IL7: variants seen among roughly 807,000 people sequenced by gnomAD.
IL7 encodes interleukin 7.
IL7 carries 3 observed loss-of-function variants against 21.6 expected under a neutral mutation model. The observed-to-expected ratio is 0.14, with a 90% CI of 0.06 to 0.36. The LOEUF is 0.36. Ranked by LOEUF, IL7 falls within the 10% of genes least tolerant of loss-of-function variation. IL7 has a pLI of 1.00. For synonymous variants in IL7, 62 were observed against 68.1 expected (o/e 0.91, Z 0.44); for missense variants, 175 against 200.2 (o/e 0.87, Z 0.76).
chr8:78,681,018 AAC>A (rs1809759845), intron 4 of IL7, among the ~76,000 whole-genome samples: 1 of 152,088 alleles, frequency 6.6e-6, no homozygotes, highest in South Asian at 2.1e-4. Flanking sequence ...GCCCTTAGAA[AAC>A]ATTAGTGAAA....
intron 2 of IL7, among the ~76,000 whole-genome samples, chr8:78,756,301 T>C (rs569396250): frequency 6.6e-6 from 1 of 151,990 alleles, no homozygotes; most frequent in Admixed American, 6.6e-5. Context: ...TATCTGGTAT[T>C]GCTATCAGGG....
At chr8:78,691,288 C>T (rs891618891) in intron 3 of IL7, among the ~76,000 whole-genome samples, 1 of 152,064 alleles carries the variant, frequency 6.6e-6, no homozygotes, top group Non-Finnish European at 1.5e-5. Flanking sequence ...TTGAAGTTCT[C>T]TTATTGTTTG....
chr8:78,703,571 AGTCT>A (rs1242398393), intron 3 of IL7, among the ~76,000 whole-genome samples: 3 of 150,096 alleles, frequency 2.0e-5, no homozygotes, highest in Non-Finnish European at 4.4e-5. Context: ...GTTGGTTTAA[AGTCT>A]GTTTTATCAG....
At chr8:78,757,619 A>G (rs747754550) in intron 2 of IL7, among the ~76,000 whole-genome samples, 9 of 152,034 alleles carry the variant, frequency 5.9e-5, no homozygotes, top group Non-Finnish European at 1.3e-4. Flanking sequence ...TAATGAATTG[A>G]TCCCTTCATC....
intron 4 of IL7, among the ~76,000 whole-genome samples, chr8:78,681,901 C>T (rs1258784781): frequency 4.0e-5 from 5 of 126,466 alleles, no homozygotes; most frequent in Admixed American, 8.1e-5. Flanking sequence ...CTTTTTCTTT[C>T]TTTTTTTTTT....
chr8:78,780,645 A>T (rs112290796), intron 2 of IL7, among the ~76,000 whole-genome samples: 9,760 of 152,154 alleles, frequency 0.064, 341 homozygotes, highest in Middle Eastern at 0.092. Context: ...AGTGTTTTAC[A>T]TCCAATTATG....
chr8:78,774,568 A>C (rs1305608401), intron 2 of IL7, among the ~76,000 whole-genome samples: 1 of 152,064 alleles, frequency 6.6e-6, no homozygotes, highest in Admixed American at 6.6e-5. Context: ...AGCCCAAGTA[A>C]AGCAATTCTC....
At chr8:78,700,905 TA>T (rs1347639038) in intron 3 of IL7, among the ~76,000 whole-genome samples, 2 of 152,224 alleles carry the variant, frequency 1.3e-5, no homozygotes, top group Admixed American at 1.3e-4. Flanking sequence ...CCCTGTAGTA[TA>T]GCTGGAAGTC....
At chr8:78,784,854 T>A (rs753120211) in intron 2 of IL7, among the ~76,000 whole-genome samples, 3 of 152,094 alleles carry the variant, frequency 2.0e-5, no homozygotes, top group Admixed American at 6.6e-5. Flanking sequence ...GGATTTTATA[T>A]CCAGTAGCTC....
intron 2 of IL7, among the ~76,000 whole-genome samples, chr8:78,768,638 T>A (rs947308046): frequency 1.3e-5 from 2 of 151,774 alleles, no homozygotes; most frequent in Non-Finnish European, 2.9e-5. Context: ...TTCTTGTAAA[T>A]TTGTTTGAGT....
intron 2 of IL7, chr8:78,747,117 G>T (rs1284968716): frequency 1.3e-5 from 6 of 455,330 alleles, no homozygotes; most frequent in African/African-American, 1.0e-4. Flanking sequence ...GAAAGTTTTG[G>T]CATAGAATAT....
chr8:78,715,242 T>C (rs374049698), downstream of IL7: 66 of 1,613,678 alleles, frequency 4.1e-5, no homozygotes, highest in African/African-American at 7.6e-4. Flanking sequence ...AACCCCGAAA[T>C]TCCACACCAC....
At chr8:78,692,728 G>GT (rs546549038) in intron 3 of IL7, among the ~76,000 whole-genome samples, 14 of 151,464 alleles carry the variant, frequency 9.2e-5, no homozygotes, top group South Asian at 4.2e-4. Context: ...CTTCTAATTT[G>GT]TTTTTTTTAT....
intron 4 of IL7, among the ~76,000 whole-genome samples, chr8:78,737,031 G>C (rs11774354): frequency 1.3e-5 from 2 of 152,004 alleles, no homozygotes; most frequent in Admixed American, 1.3e-4. Flanking sequence ...TCAAGAAAAA[G>C]GTGACTTGTA....
At chr8:78,746,697 G>A (rs567138476) in intron 2 of IL7, among the ~76,000 whole-genome samples, 2 of 152,202 alleles carry the variant, frequency 1.3e-5, no homozygotes, top group South Asian at 2.1e-4. Flanking sequence ...GGAGGTAATC[G>A]AACTCAGCCA....
chr8:78,784,126 T>C (rs905746226), intron 2 of IL7, among the ~76,000 whole-genome samples: 73 of 152,284 alleles, frequency 4.8e-4, no homozygotes, highest in African/African-American at 1.4e-3. Flanking sequence ...CCCCAATGTG[T>C]TGTCGTTAGA....
intron 3 of IL7, among the ~76,000 whole-genome samples, chr8:78,723,114 T>TATATATATATATA (rs1563645665): frequency 2.0e-5 from 3 of 147,854 alleles, no homozygotes; most frequent in Admixed American, 6.8e-5. Context: ...TATATATATA[T>TATATATATATATA]TTAGAAGCCA....
chr8:78,683,666 T>C (rs1809862560), intron 4 of IL7, among the ~76,000 whole-genome samples: 1 of 152,174 alleles, frequency 6.6e-6, no homozygotes, highest in Non-Finnish European at 1.5e-5. Flanking sequence ...CCCTTTGTCT[T>C]GGTGATTAAC....
chr8:78,756,605 T>G (rs1812356955), intron 2 of IL7, among the ~76,000 whole-genome samples: 1 of 151,872 alleles, frequency 6.6e-6, no homozygotes, highest in South Asian at 2.1e-4. Context: ...TGTTAGTGTA[T>G]AGTTGCTCAA....
Sources: allele counts gnomAD v4.1 joint callset (sites outside exome capture counted in the v4.1 genomes callset), GRCh38; gene constraint gnomAD v4.1.1; transcripts MANE v1.5; gene names NCBI Gene and HGNC (gene_info 2026-07-23, HGNC 2026-07-21).